Variants in KLRD1 observed in about 807,000 individuals in gnomAD.
The protein encoded by KLRD1 is natural killer cells antigen CD94.
A neutral mutation model predicts 22.6 loss-of-function variants in KLRD1; 21 were observed. The observed-to-expected ratio is 0.93, with a 90% confidence interval of 0.66 to 1.34. KLRD1 has a LOEUF of 1.34. Among genes scored for constraint, KLRD1 ranks in the 40% most tolerant of loss-of-function variants. KLRD1 has a pLI of 0.00. For synonymous variants in KLRD1, 59 were observed against 71.1 expected, an observed-to-expected ratio of 0.83 and a Z score of 0.85; for missense variants, 183 against 208.6, an observed-to-expected ratio of 0.88 and a Z score of 0.76.
At chr12:10,291,382 T>C (rs147345485) in intron 1 of KLRD1, among the ~76,000 whole-genome samples, 3 of 152,320 alleles carry the variant, frequency 2.0e-5, no homozygotes, top group African/African-American at 7.2e-5. Flanking sequence ...TTTCATTGCA[T>C]TTTACCCACA....
rs1017202407 is a variant in KLRD1, at chr12:10,325,050, A to T, written c.*10257A>T. On this transcript the variant is annotated 3_prime_UTR_variant, in exon 6 of 6. Transcript: ENST00000336164. ...CAGAATATTCAACACAAAGTTGAAT[A>T]CAAGTGGTGAGTAAACACCCTTGTT... 3 of 151,752 alleles carry T rather than the reference A, an allele frequency of 2.0e-5. No individual in the cohort carries two copies. The highest frequency in any genetic ancestry group is 4.4e-5 in the Non-Finnish European group (3 of 67,884). 9.4% of individuals were successfully genotyped at this position (151,752 alleles called of 1,614,324 possible).
rs966116817 is a variant in KLRD1, at chr12:10,315,774, C to A, written c.*981C>A. 6.6e-6 allele frequency: 1 copy of A among 152,042 alleles called. No individual in the cohort carries two copies. 9.4% of individuals were successfully genotyped at this position (152,042 alleles called of 1,614,324 possible). Reference sequence around the variant, plus strand: ...TTCTCTGTTATGAATCAAAGCTGATCTATTTTCATCATTTTTGTGATGAAA... The same window carrying A: ...TTCTCTGTTATGAATCAAAGCTGATATATTTTCATCATTTTTGTGATGAAA... On this transcript the variant is annotated 3_prime_UTR_variant, in exon 6 of 6. Transcript: ENST00000336164.
At chr12:10,298,903 T>C (rs1477305497) in intron 1 of KLRD1, among the ~76,000 whole-genome samples, 2 of 152,206 alleles carry the variant, frequency 1.3e-5, no homozygotes, top group Non-Finnish European at 1.5e-5. Context: ...GATTTCCCAC[T>C]CCACAGGCCA....
At chr12:10,275,081 G>A (rs1032687886) in intron 1 of KLRD1, among the ~76,000 whole-genome samples, 1 of 152,054 alleles carries the variant, frequency 6.6e-6, no homozygotes, top group African/African-American at 2.4e-5. Flanking sequence ...GTAGAGATGG[G>A]GTTTCACCAT....
At chr12:10,276,982 T>C (rs1949598069) in intron 1 of KLRD1, among the ~76,000 whole-genome samples, 1 of 152,148 alleles carries the variant, frequency 6.6e-6, no homozygotes, top group South Asian at 2.1e-4. Context: ...TTCAGATGAC[T>C]CACCATTAAG....
In KLRD1 at chr12:10,321,402, C is replaced by T. The variant is rs528940246; in HGVS notation, c.*6609C>T. 2.0e-5 allele frequency: 3 copies of T among 152,260 alleles called. No homozygotes were observed. Among genetic ancestry groups the T allele is most frequent in the South Asian group, 2.1e-4 (1 of 4,830 alleles). The allele number at this position is 152,260 out of a possible 1,614,324, so 9.4% of individuals were successfully genotyped here. A position where few individuals can be genotyped will look rare whatever the true frequency, so the allele number is the denominator to read the frequency against. ...TTCGGACTTTGAACTGACATTGTAACGGAATGAGATTTGGCAGTTGGTGTG... is the reference window on the plus strand; with the variant it reads ...TTCGGACTTTGAACTGACATTGTAATGGAATGAGATTTGGCAGTTGGTGTG... On this transcript the variant is annotated 3_prime_UTR_variant, in exon 6 of 6. Transcript: ENST00000336164.
In KLRD1 at chr12:10,324,818, G is replaced by GTGTGTATA. The variant is rs750696767; in HGVS notation, c.*10026_*10027insGTGTATAT. On this transcript the variant is annotated 3_prime_UTR_variant, in exon 6 of 6. Transcript: ENST00000336164. ...AGTATATATGTATATGTGTGTGTGT[G>GTGTGTATA]TATATATATATATATATATATATAT... 0.015 allele frequency: 1,115 copies of GTGTGTATA among 74,162 alleles called. 20 individuals carry two copies. Among genetic ancestry groups the GTGTGTATA allele is most frequent in the African/African-American group, 0.044 (1,034 of 23,598 alleles). The allele number at this position is 74,162 out of a possible 1,614,324, so 4.6% of individuals were successfully genotyped here. A position where few individuals can be genotyped will look rare whatever the true frequency, so the allele number is the denominator to read the frequency against.
chr12:10,252,941 CAGTGG>C (rs1949358171), intron 1 of KLRD1, among the ~76,000 whole-genome samples: 2 of 120,912 alleles, frequency 1.7e-5, no homozygotes, highest in African/African-American at 3.0e-5. Context: ...CTGAGTGAGT[CAGTGG>C]GCAGTTGTAA....
intron 1 of KLRD1, among the ~76,000 whole-genome samples, chr12:10,287,594 A>G (rs1949719665): frequency 1.3e-5 from 2 of 152,344 alleles, no homozygotes; most frequent in African/African-American, 4.8e-5. Flanking sequence ...TGTTATATAT[A>G]AACAGATACT....
chr12:10,271,097 GT>G lies in KLRD1; in HGVS notation c.-100-36867del, dbSNP rs71049082. On this transcript the variant is annotated intron_variant, in intron 1 of 5. Coordinates refer to the KLRD1 transcript ENST00000544747. ...CCGCAGCCGCCTCCACTCCCTAATT[GT>G]TTTTTTTTTTTTTAAACTATATCTT... Among the ~76,000 whole-genome samples the G allele has an allele frequency of 1.3e-3, 196 of 145,762 alleles. 1 individual carries two copies. The highest frequency in any genetic ancestry group is 4.7e-3 in the African/African-American group (185 of 39,714).
At position 10,317,400 on chromosome 12, in the gene KLRD1, C is replaced by T. The variant is rs1366934907; in HGVS notation, c.*2607C>T. The T allele has an allele frequency of 1.3e-5, 2 of 152,156 alleles. No individual in the cohort carries two copies. Among genetic ancestry groups the T allele is most frequent in the African/African-American group, 4.8e-5 (2 of 41,398 alleles). 9.4% of individuals were successfully genotyped at this position (152,156 alleles called of 1,614,324 possible). On this transcript the variant is annotated 3_prime_UTR_variant, in exon 6 of 6. Coordinates refer to ENST00000336164, the MANE Select transcript of KLRD1 (RefSeq NM_002262.5). ...GAAAGCAGATAAGCTATGAGTCTGC[C>T]TTTCTTCATGGTCCAGGATATGGGC...
intron 1 of KLRD1, among the ~76,000 whole-genome samples, chr12:10,290,910 T>C (rs989552047): frequency 3.9e-5 from 6 of 152,338 alleles, no homozygotes; most frequent in African/African-American, 1.4e-4. Context: ...GTCTATGGAT[T>C]GTACCAATGT....
intron 1 of KLRD1, among the ~76,000 whole-genome samples, chr12:10,277,126 T>G (rs1052292826): frequency 1.3e-5 from 2 of 150,528 alleles, no homozygotes; most frequent in Non-Finnish European, 3.0e-5. Context: ...TTTTTTTTTT[T>G]TTTTTTTTTT....
Position 10,319,211 on chromosome 12 carries a change from A to T in KLRD1, c.*4418A>T, listed in dbSNP as rs1010182667. ...GCCAACATGTGCCCAAGTATGTAAG[A>T]TGAGAATATAAGGCCATAAATTCTA... On this transcript the variant is annotated 3_prime_UTR_variant, in exon 6 of 6. Coordinates refer to ENST00000336164, the MANE Select transcript of KLRD1 (RefSeq NM_002262.5). The T allele has an allele frequency of 3.3e-5, 5 of 152,230 alleles. No individual in the cohort carries two copies. The highest frequency in any genetic ancestry group is 1.2e-4 in the African/African-American group (5 of 41,464). The allele number at this position is 152,230 out of a possible 1,614,324, so 9.4% of individuals were successfully genotyped here. A position where few individuals can be genotyped will look rare whatever the true frequency, so the allele number is the denominator to read the frequency against.
rs1479733034 is a variant in KLRD1, at chr12:10,309,610, T to G, written c.101-16T>G. 1 of 1,594,136 alleles carries G rather than the reference T, an allele frequency of 6.3e-7. No individual in the cohort carries two copies. Among genetic ancestry groups the G allele is most frequent in the African/African-American group, 1.3e-5 (1 of 74,476 alleles). ...ACCCATACCTAATTAAACAAATTTC[T>G]AATCATTTCTTATAGCTTTTACTAA... On this transcript the variant is annotated splice_polypyrimidine_tract_variant and intron_variant, in intron 2 of 5. Transcript: ENST00000336164.
At chr12:10,275,592 A>AG (rs1949585733) in intron 1 of KLRD1, among the ~76,000 whole-genome samples, 1 of 152,196 alleles carries the variant, frequency 6.6e-6, no homozygotes. Flanking sequence ...GCATGTAGTT[A>AG]GGGTTAGGTG....
At chr12:10,248,530 TTTCCTTCCTTCCTTCCTTCCTTCC>T (rs547431896) in intron 1 of KLRD1, among the ~76,000 whole-genome samples, 15 of 96,610 alleles carry the variant, frequency 1.6e-4, no homozygotes, top group South Asian at 1.3e-3. Context: ...TGTATTTTCT[TTTCCTTCCTTCCTTCCTTCCTTCC>T]TTCCTTCCTT....
rs759988718 is a variant in KLRD1 at position 10,246,928 on chromosome 12, CTTTTCT to C, written c.-101+20700_-101+20705del. ...TTCTTTTTTCTTTTTCTTTTCTTTT[CTTTTCT>C]TTTTTTTTTTTTTTTTGAGATAGAG... On this transcript the variant is annotated intron_variant, in intron 1 of 5. Coordinates refer to the KLRD1 transcript ENST00000544747. Among the ~76,000 whole-genome samples, 542 of 129,674 alleles carry C rather than the reference CTTTTCT, an allele frequency of 4.2e-3. 3 individuals are homozygous for C. The highest frequency in any genetic ancestry group is 0.014 in the African/African-American group (464 of 34,014). 85.1% of individuals were successfully genotyped at this position (129,674 alleles called of 152,430 possible).
intron 1 of KLRD1, among the ~76,000 whole-genome samples, chr12:10,294,135 T>C (rs1466668762): frequency 6.6e-6 from 1 of 152,196 alleles, no homozygotes; most frequent in African/African-American, 2.4e-5. Context: ...TCTTTCTTTC[T>C]TGATGAATAT....
Sources: allele counts gnomAD v4.1 joint callset (sites outside exome capture counted in the v4.1 genomes callset), GRCh38; gene constraint gnomAD v4.1.1; transcripts MANE v1.5; gene names NCBI Gene and HGNC (gene_info 2026-07-23, HGNC 2026-07-21).